Variants in DPP10 observed in about 807,000 individuals in gnomAD.
DPP10 encodes inactive dipeptidyl peptidase 10.
DPP10 carries 33 observed loss-of-function variants against 120.9 expected under a neutral mutation model. The observed-to-expected ratio is 0.27, with a 90% CI of 0.21 to 0.37. DPP10 has a LOEUF of 0.37. DPP10 is among the 10% of genes least tolerant of loss of function. The pLI is 1.00. For missense variants in DPP10, 816 were observed against 942.8 expected (o/e 0.87, Z 1.76); for synonymous variants, 337 against 326.1 (o/e 1.03, Z -0.36).
At chr2:115,609,392 G>C (rs534978420) in intron 5 of DPP10, among the ~76,000 whole-genome samples, 1 of 152,024 alleles carries the variant, frequency 6.6e-6, no homozygotes, top group African/African-American at 2.4e-5. Context: ...TGATGTCTAG[G>C]AATCAGAGGA....
At chr2:114,836,042 A>G (rs1017612701) in intron 1 of DPP10, among the ~76,000 whole-genome samples, 2 of 152,128 alleles carry the variant, frequency 1.3e-5, no homozygotes, top group Non-Finnish European at 2.9e-5. Context: ...AGAGTATTGG[A>G]TATGATTCTT....
chr2:114,541,400 G>A (rs1005007865), intron 1 of DPP10, among the ~76,000 whole-genome samples: 2 of 152,152 alleles, frequency 1.3e-5, no homozygotes, highest in African/African-American at 2.4e-5. Context: ...CCCTTAGGAA[G>A]ACCCTACTAT....
At chr2:114,806,012 CT>C in intron 1 of DPP10, among the ~76,000 whole-genome samples, 2 of 152,238 alleles carry the variant, frequency 1.3e-5, no homozygotes, top group South Asian at 4.1e-4. Context: ...AAAAGCCTAT[CT>C]TTTTTATTCT....
intron 4 of DPP10, among the ~76,000 whole-genome samples, chr2:115,525,691 C>G (rs1481709331): frequency 6.6e-6 from 1 of 151,942 alleles, no homozygotes; most frequent in East Asian, 1.9e-4. Context: ...CAAACCTGTT[C>G]TTACTGAAAT....
chr2:115,147,904 G>A (rs1230387450), intron 1 of DPP10, among the ~76,000 whole-genome samples: 1 of 152,078 alleles, frequency 6.6e-6, no homozygotes, highest in Non-Finnish European at 1.5e-5. Flanking sequence ...TGGTAGATAG[G>A]GAAACCCCGT....
chr2:114,728,449 T>A (rs1233149952), intron 1 of DPP10, among the ~76,000 whole-genome samples: 1 of 152,110 alleles, frequency 6.6e-6, no homozygotes, highest in Non-Finnish European at 1.5e-5. Flanking sequence ...AAGGCATGAC[T>A]CTCCCACCCT....
Position 115,174,094 on chromosome 2 carries a change from A to G in DPP10, c.61-135145A>G, listed in dbSNP as rs201428404. Among the ~76,000 whole-genome samples the G allele has an allele frequency of 2.6e-4, 39 of 152,312 alleles. 1 individual carries two copies. Among genetic ancestry groups the G allele is most frequent in the African/African-American group, 9.1e-4 (38 of 41,592 alleles). ...TATTTTTATTTTTGGTAGCAGGTTT[A>G]ATAAGAAGATGTATTGTATAGATTC... On this transcript the variant is annotated intron_variant, in intron 1 of 25. Transcript: ENST00000410059.
chr2:115,586,091 G>A (rs938570372), intron 5 of DPP10, among the ~76,000 whole-genome samples: 82 of 152,214 alleles, frequency 5.4e-4, no homozygotes, highest in Non-Finnish European at 8.5e-4. Flanking sequence ...GGGAGGCCGA[G>A]GCAGGTGGAT....
At chr2:115,273,844 A>T (rs1182577631) in intron 1 of DPP10, among the ~76,000 whole-genome samples, 1 of 152,196 alleles carries the variant, frequency 6.6e-6, no homozygotes. Context: ...GTGTTTCCCT[A>T]AACTGTTTTG....
At chr2:115,772,962 G>C (rs1041939914) in intron 13 of DPP10, among the ~76,000 whole-genome samples, 2 of 152,236 alleles carry the variant, frequency 1.3e-5, no homozygotes, top group Middle Eastern at 6.8e-3. Flanking sequence ...GCAACACGAA[G>C]TTTTGCCCAT....
intron 1 of DPP10, among the ~76,000 whole-genome samples, chr2:114,774,614 G>C (rs1158337816): frequency 1.3e-5 from 2 of 148,588 alleles, no homozygotes; most frequent in Admixed American, 1.4e-4. Flanking sequence ...CTGTTCAGAA[G>C]TTAACTGCAA....
At chr2:114,693,556 C>A (rs571567483) in intron 1 of DPP10, among the ~76,000 whole-genome samples, 21 of 151,778 alleles carry the variant, frequency 1.4e-4, no homozygotes, top group East Asian at 1.2e-3. Flanking sequence ...ATTATGTGTC[C>A]TGGGGTTGAT....
intron 5 of DPP10, among the ~76,000 whole-genome samples, chr2:115,650,019 A>G (rs1265616372): frequency 1.3e-5 from 2 of 151,474 alleles, no homozygotes; most frequent in African/African-American, 4.9e-5. Flanking sequence ...TTTGTTGGCA[A>G]AAAAAAAGAG....
intron 1 of DPP10, among the ~76,000 whole-genome samples, chr2:114,758,761 T>C (rs962487028): frequency 6.6e-6 from 1 of 152,164 alleles, no homozygotes; most frequent in Admixed American, 6.5e-5. Context: ...TTAATCACAC[T>C]GAAAAATAGC....
intron 1 of DPP10, among the ~76,000 whole-genome samples, chr2:114,726,353 A>C (rs983012115): frequency 2.0e-5 from 3 of 152,148 alleles, no homozygotes; most frequent in African/African-American, 7.2e-5. Context: ...CTCACTCCCC[A>C]AGGTAAATAG....
intron 1 of DPP10, among the ~76,000 whole-genome samples, chr2:114,746,043 G>T (rs1418526720): frequency 6.6e-6 from 1 of 152,172 alleles, no homozygotes; most frequent in Admixed American, 6.5e-5. Context: ...TTAGTTTCTT[G>T]ACTACTTTTG....
intron 1 of DPP10, chr2:114,828,846 G>A (rs1327232683): frequency 2.0e-5 from 3 of 152,268 alleles, no homozygotes; most frequent in African/African-American, 7.2e-5. Flanking sequence ...AGAGAAGAAA[G>A]CGGTGTATCT....
intron 1 of DPP10, among the ~76,000 whole-genome samples, chr2:114,770,793 T>G (rs765662982): frequency 2.0e-5 from 3 of 152,218 alleles, no homozygotes; most frequent in African/African-American, 4.8e-5. Flanking sequence ...TTGCTATTGT[T>G]CTTTCATCTG....
chr2:115,126,411 G>T (rs1474315333), intron 1 of DPP10, among the ~76,000 whole-genome samples: 3 of 152,100 alleles, frequency 2.0e-5, no homozygotes, highest in African/African-American at 4.8e-5. Context: ...CACATTTCAA[G>T]ATATTTTGTA....
Sources: allele counts gnomAD v4.1 joint callset (sites outside exome capture counted in the v4.1 genomes callset), GRCh38; gene constraint gnomAD v4.1.1; transcripts MANE v1.5; gene names NCBI Gene and HGNC (gene_info 2026-07-23, HGNC 2026-07-21).